KLRG1: variants seen among roughly 807,000 people sequenced by gnomAD.
The protein encoded by KLRG1 is killer cell lectin-like receptor subfamily G member 1.
In KLRG1, 16 loss-of-function variants were observed where a neutral mutation model predicts 21.8. The ratio of observed to expected loss-of-function variants is 0.73; its 90% CI spans 0.50 to 1.11. The LOEUF (loss-of-function observed/expected upper bound fraction) is 1.11, where lower values mean the gene tolerates loss of function less well. KLRG1 is among the 50% of genes most tolerant of loss of function. The probability of loss-of-function intolerance (pLI) is 0.00; values close to 1 mark genes in which losing one functional copy is unlikely to be tolerated. For synonymous variants in KLRG1, 69 were observed against 75.9 expected, an observed-to-expected ratio of 0.91 and a Z score of 0.47; for missense variants, 173 against 218.3, an observed-to-expected ratio of 0.79 and a Z score of 1.31.
chr12:9,192,773 T>G, the KLRG1 span: 2 of 1,432,206 alleles, frequency 1.4e-6, no homozygotes, highest in Admixed American at 1.7e-5. Context: ...AAGAATACTG[T>G]CTTGAAATTC....
At chr12:9,046,025 C>T in the KLRG1 span, among the ~76,000 whole-genome samples, 1 of 152,094 alleles carries the variant, frequency 6.6e-6, no homozygotes, top group Admixed American at 6.6e-5. Context: ...GACACTGGGG[C>T]CTGTGGGGGG....
rs1276044052 is a variant in KLRG1, at chr12:9,010,274, C to G, written c.*737C>G. On this transcript the variant is annotated 3_prime_UTR_variant, in exon 5 of 5. Transcript: ENST00000356986. ...GTACTTCCTCCTTCTGAGCTCTTCA[C>G]ACGTAATGCAAAAACCCGGTCTTAA... 5 of 424,278 alleles carry G rather than the reference C, an allele frequency of 1.2e-5. No individual in the cohort carries two copies. Among genetic ancestry groups the G allele is most frequent in the Non-Finnish European group, 2.1e-5 (5 of 239,206 alleles). 26.3% of individuals were successfully genotyped at this position (424,278 alleles called of 1,614,324 possible).
chr12:9,002,360 T>C (rs1285018795), intron 3 of KLRG1, among the ~76,000 whole-genome samples: 1 of 152,172 alleles, frequency 6.6e-6, no homozygotes, highest in Non-Finnish European at 1.5e-5. Flanking sequence ...GGTATAAATG[T>C]TGAACTAAAA....
the KLRG1 span, among the ~76,000 whole-genome samples, chr12:9,092,087 T>C: frequency 6.6e-6 from 1 of 152,208 alleles, no homozygotes; most frequent in Admixed American, 6.5e-5. Flanking sequence ...GACTGAGTGT[T>C]GGGCTTCTAA....
At chr12:9,096,262 C>T in the KLRG1 span, among the ~76,000 whole-genome samples, 5 of 152,146 alleles carry the variant, frequency 3.3e-5, no homozygotes, top group African/African-American at 9.7e-5. Context: ...AGTACTACTT[C>T]GTTACACAGT....
the KLRG1 span, among the ~76,000 whole-genome samples, chr12:9,028,400 T>G: frequency 6.6e-6 from 1 of 151,804 alleles, no homozygotes; most frequent in African/African-American, 2.4e-5. Flanking sequence ...TCCACCTGCC[T>G]AGGCCTCCCA....
the KLRG1 span, chr12:9,200,393 A>T: frequency 6.2e-7 from 1 of 1,610,790 alleles, no homozygotes; most frequent in South Asian, 1.1e-5. Flanking sequence ...TCACTTTTTC[A>T]TCCATGATAC....
At chr12:9,010,925 C>T (rs752801268), downstream of KLRG1, among the ~76,000 whole-genome samples, 2 of 152,128 alleles carry the variant, frequency 1.3e-5, no homozygotes, top group Admixed American at 6.5e-5. Flanking sequence ...AGAAGGAAGT[C>T]GTGGAAACAA....
chr12:9,072,983 C>A, the KLRG1 span: 1 of 732,568 alleles, frequency 1.4e-6, no homozygotes. Context: ...TCCCTCACTA[C>A]TTAAATATAG....
intron 2 of KLRG1, among the ~76,000 whole-genome samples, chr12:8,993,022 A>G (rs764747731): frequency 6.6e-5 from 10 of 151,114 alleles, no homozygotes; most frequent in Non-Finnish European, 1.2e-4. Context: ...GAATTATAAT[A>G]TTAATGATGT....
chr12:9,211,287 CTTCT>C, the KLRG1 span, among the ~76,000 whole-genome samples: 2 of 152,108 alleles, frequency 1.3e-5, no homozygotes, highest in South Asian at 4.2e-4. Flanking sequence ...TTTCTTCACT[CTTCT>C]TTAATTTTTT....
At chr12:9,169,777 C>T in the KLRG1 span, 3 of 482,622 alleles carry the variant, frequency 6.2e-6, no homozygotes, top group Non-Finnish European at 6.7e-6. Context: ...AGAAATGAAA[C>T]CTACTTGGGA....
chr12:9,001,233 A>T (rs762098893), intron 3 of KLRG1, among the ~76,000 whole-genome samples: 14 of 152,158 alleles, frequency 9.2e-5, no homozygotes, highest in Non-Finnish European at 1.0e-4. Flanking sequence ...AGTACTCTGT[A>T]TTGTAAATTT....
chr12:9,195,701 C>G, the KLRG1 span, among the ~76,000 whole-genome samples: 23 of 150,420 alleles, frequency 1.5e-4, no homozygotes, highest in African/African-American at 4.2e-4. Context: ...CGATCCTCCC[C>G]CCTTGGCCTC....
At chr12:9,170,927 C>G in the KLRG1 span, among the ~76,000 whole-genome samples, 7 of 152,286 alleles carry the variant, frequency 4.6e-5, no homozygotes, top group Admixed American at 4.6e-4. The surrounding 1 kb of genome is among the most constrained non-coding windows in gnomAD (Gnocchi z 4.6). Context: ...AACCTGCTGG[C>G]TTTGGAGAAT....
chr12:9,111,191 T>C, the KLRG1 span, among the ~76,000 whole-genome samples: 11 of 152,222 alleles, frequency 7.2e-5, no homozygotes, highest in Non-Finnish European at 1.3e-4. Flanking sequence ...CTTTATTAAG[T>C]ACCTTCTCAT....
chr12:9,087,778 A>G, the KLRG1 span, among the ~76,000 whole-genome samples: 1 of 152,128 alleles, frequency 6.6e-6, no homozygotes, highest in African/African-American at 2.4e-5. Context: ...GTCAGTTTAC[A>G]ATGTAATTAA....
At chr12:9,210,703 G>A in the KLRG1 span, among the ~76,000 whole-genome samples, 1 of 152,114 alleles carries the variant, frequency 6.6e-6, no homozygotes. Flanking sequence ...AGTCTTAAGT[G>A]TGTATTTTTA....
downstream of KLRG1, among the ~76,000 whole-genome samples, chr12:9,015,113 G>A (rs148162064): frequency 2.0e-3 from 308 of 152,128 alleles, 3 homozygotes; most frequent in African/African-American, 6.0e-3. Flanking sequence ...AGAGAAGACC[G>A]CAAAACAGCA....
Sources: gnomAD v4.1 joint callset for allele counts (sites outside exome capture counted in the v4.1 genomes callset) on GRCh38, gnomAD v4.1.1 for gene constraint, Gnocchi (gnomAD v3.1) non-coding constraint, MANE v1.5 for transcripts, NCBI Gene and HGNC (gene_info 2026-07-23, HGNC 2026-07-21) for gene names.